The following ROBO2 variants were observed in gnomAD, a reference collection of about 807,000 sequenced individuals.
The protein encoded by ROBO2 is roundabout homolog 2.
ROBO2 carries 53 observed loss-of-function variants against 160.8 expected under a neutral mutation model. That is an observed-to-expected ratio of 0.33 (90% CI 0.26 to 0.41). The LOEUF is 0.41. ROBO2 is among the 10% of genes least tolerant of loss of function. The pLI is 1.00. For synonymous variants in ROBO2, 664 were observed against 611.7 expected (o/e 1.09, Z -1.26); for missense variants, 1,577 against 1,722.4 (o/e 0.92, Z 1.49).
chr3:76,057,588 CT>C (rs1328738629), intron 2 of ROBO2, among the ~76,000 whole-genome samples: 1 of 152,166 alleles, frequency 6.6e-6, no homozygotes, highest in South Asian at 2.1e-4. Flanking sequence ...GTAGATGGAA[CT>C]TTTTTAGAAA....
At chr3:76,057,833 G>T (rs1036758262) in intron 2 of ROBO2, among the ~76,000 whole-genome samples, 1 of 150,842 alleles carries the variant, frequency 6.6e-6, no homozygotes, top group Admixed American at 6.6e-5. Context: ...CATTTTTCTT[G>T]ATTTTTGTTC....
intron 2 of ROBO2, among the ~76,000 whole-genome samples, chr3:76,655,742 G>GAGGAAAGAACGAAGGAAGGA (rs2091487537): frequency 7.1e-6 from 1 of 140,526 alleles, no homozygotes; most frequent in African/African-American, 2.6e-5. Context: ...GGGAGGGAGG[G>GAGGAAAGAACGAAGGAAGGA]AGGAAAGAAG....
intron 2 of ROBO2, among the ~76,000 whole-genome samples, chr3:76,260,800 G>A (rs555941632): frequency 6.6e-6 from 1 of 151,766 alleles, no homozygotes; most frequent in South Asian, 2.1e-4. Context: ...TTGCATTTTT[G>A]TTAGTGTTCT....
intron 2 of ROBO2, among the ~76,000 whole-genome samples, chr3:76,735,576 A>C (rs2093695016): frequency 1.3e-5 from 2 of 151,870 alleles, no homozygotes; most frequent in Non-Finnish European, 2.9e-5. Flanking sequence ...AGCCTGGGCA[A>C]TACGGTGAAA....
At chr3:76,302,956 A>C (rs1011440895) in intron 2 of ROBO2, among the ~76,000 whole-genome samples, 1 of 152,104 alleles carries the variant, frequency 6.6e-6, no homozygotes, top group Non-Finnish European at 1.5e-5. Context: ...TGTTTGGATA[A>C]ATTTATTATA....
At chr3:75,968,050 G>C (rs1055143298) in intron 2 of ROBO2, among the ~76,000 whole-genome samples, 1 of 151,528 alleles carries the variant, frequency 6.6e-6, no homozygotes, top group African/African-American at 2.4e-5. Context: ...ATTTACAATA[G>C]TTTGTTTTTG....
rs77020901 is a variant in ROBO2, at chr3:76,596,534, T to C, written c.110-501480T>C. On this transcript the variant is annotated intron_variant, in intron 2 of 26. Coordinates refer to the ROBO2 transcript ENST00000487694. ...GATGAATCTTGAACTCTCTGAGCCC[T>C]AGTTCCCTCATTTGTTAAATGTAGG... Among the ~76,000 whole-genome samples the C allele has an allele frequency of 2.1e-4, 32 of 152,236 alleles. 1 individual carries two copies. Among genetic ancestry groups the C allele is most frequent in the East Asian group, 1.7e-3 (9 of 5,180 alleles).
At chr3:76,619,450 T>C (rs1470513580) in intron 2 of ROBO2, among the ~76,000 whole-genome samples, 3 of 152,220 alleles carry the variant, frequency 2.0e-5, no homozygotes, top group Admixed American at 6.5e-5. Context: ...TAAAAAGATA[T>C]CGAGTTTATG....
intron 5 of ROBO2, among the ~76,000 whole-genome samples, chr3:77,506,221 C>G (rs1368056678): frequency 2.0e-5 from 3 of 152,104 alleles, no homozygotes; most frequent in Non-Finnish European, 4.4e-5. Flanking sequence ...ATATAACTTT[C>G]TAACTTGAAC....
chr3:77,420,813 A>G (rs1008387898), intron 2 of ROBO2, among the ~76,000 whole-genome samples: 25 of 152,184 alleles, frequency 1.6e-4, no homozygotes, highest in African/African-American at 6.0e-4. Context: ...AAAATGAGGC[A>G]TTCTAGAATG....
At chr3:76,078,177 GT>G in intron 2 of ROBO2, among the ~76,000 whole-genome samples, 1 of 152,192 alleles carries the variant, frequency 6.6e-6, no homozygotes, top group East Asian at 1.9e-4. Flanking sequence ...TTCATTATTG[GT>G]TGTGAGGTAG....
chr3:76,168,393 A>G (rs2072915553), intron 2 of ROBO2, among the ~76,000 whole-genome samples: 1 of 151,882 alleles, frequency 6.6e-6, no homozygotes, highest in African/African-American at 2.4e-5. Context: ...CCTCTGTCTA[A>G]TCCATTTTCT....
At chr3:77,256,266 T>C (rs2058405209) in intron 2 of ROBO2, among the ~76,000 whole-genome samples, 2 of 152,210 alleles carry the variant, frequency 1.3e-5, no homozygotes, top group South Asian at 2.1e-4. Flanking sequence ...GATCATTCTA[T>C]AAATGTAATA....
intron 2 of ROBO2, among the ~76,000 whole-genome samples, chr3:76,370,779 G>T (rs1381240992): frequency 6.6e-6 from 1 of 151,930 alleles, no homozygotes; most frequent in Admixed American, 6.6e-5. Flanking sequence ...AATTGATTTT[G>T]TATGAAGGTC....
intron 2 of ROBO2, among the ~76,000 whole-genome samples, chr3:76,971,241 G>T (rs2059557667): frequency 6.6e-6 from 1 of 152,042 alleles, no homozygotes; most frequent in Non-Finnish European, 1.5e-5. Flanking sequence ...TTTTCCCTGG[G>T]ATATCCCTGC....
intron 2 of ROBO2, among the ~76,000 whole-genome samples, chr3:76,256,522 T>A (rs1315455944): frequency 6.6e-6 from 1 of 151,714 alleles, no homozygotes; most frequent in Non-Finnish European, 1.5e-5. Context: ...GCCTGGGCAA[T>A]ATGGCGAAAT....
At chr3:77,310,733 A>G (rs921929867) in intron 2 of ROBO2, among the ~76,000 whole-genome samples, 1 of 152,106 alleles carries the variant, frequency 6.6e-6, no homozygotes, top group Non-Finnish European at 1.5e-5. Context: ...TAATAGATGA[A>G]ACATAATTTA....
chr3:77,538,773 C>A, intron 6 of ROBO2: 3 of 364,410 alleles, frequency 8.2e-6, no homozygotes, highest in Non-Finnish European at 1.1e-5. Context: ...AATTAGAACC[C>A]AAACTGAGTT....
At chr3:76,164,530 T>C (rs1199724805) in intron 2 of ROBO2, among the ~76,000 whole-genome samples, 1 of 152,178 alleles carries the variant, frequency 6.6e-6, no homozygotes, top group East Asian at 1.9e-4. Flanking sequence ...GATGTTGTGT[T>C]AGCAGGTGTG....
Sources: allele counts gnomAD v4.1 joint callset (sites outside exome capture counted in the v4.1 genomes callset), GRCh38; gene constraint gnomAD v4.1.1; transcripts MANE v1.5; gene names NCBI Gene and HGNC (gene_info 2026-07-23, HGNC 2026-07-21).